The following ESF1 variants were observed in gnomAD, a reference collection of about 807,000 sequenced individuals.
ESF1 encodes the protein ESF1 nucleolar pre-rRNA processing protein.
A neutral mutation model predicts 92.0 loss-of-function variants in ESF1; 58 were observed. The ratio of observed to expected loss-of-function variants is 0.63; its 90% CI spans 0.51 to 0.78. ESF1 has a LOEUF of 0.78. Ranked by LOEUF, ESF1 falls within the 30% of genes least tolerant of loss-of-function variation. ESF1 has a pLI of 0.00. For missense variants in ESF1, 922 were observed against 989.1 expected, an observed-to-expected ratio of 0.93 and a Z score of 0.91; for synonymous variants, 321 against 313.7, an observed-to-expected ratio of 1.02 and a Z score of -0.24.
chr20:13,759,953 C>A lies in ESF1; in HGVS notation c.1667-100G>T. 2.1e-6 allele frequency: 3 copies of A among 1,423,348 alleles called. No individual in the cohort carries two copies. The South Asian group carries it at 4.6e-5, about 22-fold the overall frequency. The allele number at this position is 1,423,348 out of a possible 1,614,324, so 88.2% of individuals were successfully genotyped here. ...TCTTTTAAAAGATGCTGTTAGACCA[C>A]AGGATATCAAAATCAGACTTAAATT... is the stretch of plus-strand genomic sequence containing the variant. On this transcript the variant is annotated intron_variant, in intron 8 of 13. Coordinates refer to ENST00000617257, the MANE Select transcript of ESF1 (RefSeq NM_001276380.2).
chr20:13,721,918 G>A (rs546898491), intron 11 of ESF1, among the ~76,000 whole-genome samples: 25 of 152,220 alleles, frequency 1.6e-4, no homozygotes, highest in Non-Finnish European at 2.5e-4. Context: ...TAATGTATGT[G>A]TATGTCCTTA....
At chr20:13,772,926 C>A (rs1979759015) in intron 4 of ESF1, among the ~76,000 whole-genome samples, 1 of 152,068 alleles carries the variant, frequency 6.6e-6, no homozygotes, top group African/African-American at 2.4e-5. Context: ...AGATGCTAAG[C>A]TCAAGGAAAT....
chr20:13,733,598 G>T, intron 10 of ESF1, 123 bp downstream of exon 10: 2 of 991,148 alleles, frequency 2.0e-6, no homozygotes, highest in Non-Finnish European at 2.8e-6. Context: ...CTTAAAATTG[G>T]GATGATAACA....
intron 8 of ESF1, among the ~76,000 whole-genome samples, chr20:13,763,151 G>A (rs1979279993): frequency 1.3e-5 from 2 of 152,122 alleles, no homozygotes; most frequent in Admixed American, 6.5e-5. Flanking sequence ...GTGAGCTGCC[G>A]TGCCCGGCCT....
intron 10 of ESF1, among the ~76,000 whole-genome samples, chr20:13,729,405 A>C (rs1202110120): frequency 6.6e-6 from 1 of 152,252 alleles, no homozygotes; most frequent in Non-Finnish European, 1.5e-5. Flanking sequence ...ACATAAACAC[A>C]TAAATAGACA....
chr20:13,766,675 T>A, intron 8 of ESF1, 102 bp downstream of exon 8: 1 of 1,138,468 alleles, frequency 8.8e-7, no homozygotes. Flanking sequence ...GTATATATAA[T>A]ACTGTGCATG....
chr20:13,721,776 G>A (rs2049869867), intron 11 of ESF1, among the ~76,000 whole-genome samples: 1 of 152,162 alleles, frequency 6.6e-6, no homozygotes, highest in East Asian at 1.9e-4. Context: ...CATTTGTTTT[G>A]CACTTCCAAG....
At chr20:13,780,064 T>C (rs1489101069) in intron 2 of ESF1, among the ~76,000 whole-genome samples, 1 of 152,146 alleles carries the variant, frequency 6.6e-6, no homozygotes, top group Non-Finnish European at 1.5e-5. Context: ...CAGAAGATTA[T>C]ATATGGAGCC....
chr20:13,757,000 A>G (rs372337611), intron 9 of ESF1, among the ~76,000 whole-genome samples: 16 of 152,250 alleles, frequency 1.1e-4, no homozygotes, highest in African/African-American at 3.1e-4. Flanking sequence ...TTTCAATGTT[A>G]TAAGTCCACT....
chr20:13,773,287 A>G (rs752584282), intron 4 of ESF1, among the ~76,000 whole-genome samples: 24 of 152,212 alleles, frequency 1.6e-4, no homozygotes, highest in Non-Finnish European at 4.4e-5. Flanking sequence ...GAAATATGCA[A>G]TTTATCAACA....
chr20:13,744,789 T>C (rs1028877481), intron 9 of ESF1, among the ~76,000 whole-genome samples: 4 of 152,230 alleles, frequency 2.6e-5, no homozygotes, highest in African/African-American at 9.6e-5. Flanking sequence ...CCAGTTTAAA[T>C]TGCTACTCAT....
At chr20:13,721,298 A>G (rs1287114012) in intron 11 of ESF1, among the ~76,000 whole-genome samples, 1 of 152,212 alleles carries the variant, frequency 6.6e-6, no homozygotes, top group African/African-American at 2.4e-5. Context: ...TTAACTGAGC[A>G]CTTATTATGT....
intron 3 of ESF1, among the ~76,000 whole-genome samples, chr20:13,775,549 T>C (rs976290886): frequency 1.3e-5 from 2 of 152,170 alleles, no homozygotes; most frequent in African/African-American, 4.8e-5. Context: ...TTCAGCTATT[T>C]TGCCATGCAT....
intron 2 of ESF1, among the ~76,000 whole-genome samples, chr20:13,777,731 G>A (rs1365452869): frequency 6.6e-6 from 1 of 152,202 alleles, no homozygotes; most frequent in East Asian, 1.9e-4. Flanking sequence ...TACTTCTAAA[G>A]CAATCACAGG....
rs146883956 is a variant in ESF1 at position 13,774,557 on chromosome 20, T to C, written c.1149+600A>G. Among the ~76,000 whole-genome samples, 9 of 152,320 alleles carry C rather than the reference T, an allele frequency of 5.9e-5. No individual in the cohort carries two copies. The East Asian group carries it at 1.2e-3, about 20-fold the overall frequency. On this transcript the variant is annotated intron_variant, in intron 4 of 13. Transcript: ENST00000617257. Reference sequence around the variant, plus strand: ...CTTACAATCACCAATACTATTGTTATATCCATTTGGATATATTGGAAAGAT... The same window carrying C: ...CTTACAATCACCAATACTATTGTTACATCCATTTGGATATATTGGAAAGAT...
At chr20:13,783,991 A>G (rs1488888372) in intron 1 of ESF1, among the ~76,000 whole-genome samples, 1 of 152,250 alleles carries the variant, frequency 6.6e-6, no homozygotes, top group Non-Finnish European at 1.5e-5. Flanking sequence ...TTAGCTAAGA[A>G]AGTTTCCTTT....
At chr20:13,757,020 G>C (rs1978929132) in intron 9 of ESF1, among the ~76,000 whole-genome samples, 1 of 152,096 alleles carries the variant, frequency 6.6e-6, no homozygotes, top group South Asian at 2.1e-4. Context: ...TGTAGTGAAA[G>C]ATTAGAAATC....
chr20:13,716,836 T>TTA (rs1350114095), intron 13 of ESF1, among the ~76,000 whole-genome samples: 3 of 108,758 alleles, frequency 2.8e-5, no homozygotes, highest in Admixed American at 2.1e-4. Context: ...TTTTTTTTTT[T>TTA]AGACAGAGTC....
At position 13,784,698 on chromosome 20, in the gene ESF1, C is replaced by T. The variant is rs1367330104; in HGVS notation, c.-44+182G>A. On this transcript the variant is annotated intron_variant, in intron 1 of 13. Coordinates refer to ENST00000617257, the MANE Select transcript of ESF1 (RefSeq NM_001276380.2). Reference sequence around the variant, plus strand: ...GCTAACAGACTGATTCGAGAAGCGACCCTGAAAAGGATCGATGAAGACTGA... The same window carrying T: ...GCTAACAGACTGATTCGAGAAGCGATCCTGAAAAGGATCGATGAAGACTGA... 2.0e-5 allele frequency: 5 copies of T among 248,844 alleles called. No homozygotes were observed. The South Asian group carries it at 2.3e-4, about 12-fold the overall frequency. 15.4% of individuals were successfully genotyped at this position (248,844 alleles called of 1,614,324 possible). A position where few individuals can be genotyped will look rare whatever the true frequency, so the allele number is the denominator to read the frequency against.
Sources: allele counts gnomAD v4.1 joint callset (sites outside exome capture counted in the v4.1 genomes callset), GRCh38; gene constraint gnomAD v4.1.1; transcripts MANE v1.5; gene names NCBI Gene and HGNC (gene_info 2026-07-23, HGNC 2026-07-21).